Variants in COL6A2 observed in about 807,000 individuals in gnomAD.
The protein encoded by COL6A2 is collagen alpha-2(VI) chain.
Under a neutral mutation model 124.9 loss-of-function variants are expected in COL6A2, and 90 were observed. That is an observed-to-expected ratio of 0.72 (90% CI 0.61 to 0.86). The LOEUF is 0.86. Among genes scored for constraint, COL6A2 ranks in the 40% least tolerant of loss-of-function variants. The probability of loss-of-function intolerance (pLI) is 0.00; values close to 1 mark genes in which losing one functional copy is unlikely to be tolerated. For synonymous variants in COL6A2, 793 were observed against 618.2 expected (o/e 1.28, Z -4.19); for missense variants, 1,607 against 1,502.5 (o/e 1.07, Z -1.15).
rs2123663986 is a variant in COL6A2 at position 46,125,990 on chromosome 21, G to A, written c.2175G>A (p.Val725=). ...IKESRRQKTR[V]FAVVITDGRH... ...AGAGCCGGCGCCAGAAGACACGTGT[G>A]TTTGCGGTGGTCATCACGGACGGGC... Residue 725 remains valine (V), a synonymous_variant, in exon 26 of 28, where the codon GTG becomes GTA. Transcript: ENST00000300527. 1 of 1,613,078 alleles carries A rather than the reference G, an allele frequency of 6.2e-7. No homozygotes were observed.
intron 16 of COL6A2, 85 bp downstream of exon 16, chr21:46,120,662 A>ACCCGGGTGGGTG: frequency 7.8e-7 from 1 of 1,274,920 alleles, no homozygotes; most frequent in East Asian, 2.6e-5. Context: ...GGTGGCCGGG[A>ACCCGGGTGGGTG]CTGCACCCCA....
At chr21:46,099,708 C>A (rs1354460205) in intron 1 of COL6A2, among the ~76,000 whole-genome samples, 2 of 152,104 alleles carry the variant, frequency 1.3e-5, no homozygotes, top group African/African-American at 4.8e-5. Context: ...AAACACCCAG[C>A]CCCGCCCAGC....
At chr21:46,126,872 G>C (rs1384184338) in intron 27 of COL6A2, among the ~76,000 whole-genome samples, 1 of 152,168 alleles carries the variant, frequency 6.6e-6, no homozygotes, top group Non-Finnish European at 1.5e-5. Flanking sequence ...CAGCTCCCAT[G>C]GGCTGGCCGT....
intron 26 of COL6A2, 124 bp from the exon 27 acceptor site, chr21:46,126,379 C>G: frequency 6.5e-7 from 1 of 1,527,856 alleles, no homozygotes; most frequent in Non-Finnish European, 9.1e-7. Flanking sequence ...GGGTCGGGCC[C>G]TCTCGGGGCT....
intron 1 of COL6A2, among the ~76,000 whole-genome samples, chr21:46,107,053 A>G (rs1277333615): frequency 6.6e-6 from 1 of 152,154 alleles, no homozygotes; most frequent in Non-Finnish European, 1.5e-5. Context: ...TTGTCTTTCC[A>G]ATATATTTCT....
chr21:46,132,708 G>GTA lies in COL6A2; in HGVS notation c.*156_*157insTA, dbSNP rs2078779836. On this transcript the variant is annotated 3_prime_UTR_variant, in exon 28 of 28. Transcript: ENST00000300527. The stretch of plus-strand genomic sequence containing the variant: ...CCTCCCACGGGGTCCCCGTAGCCCC[G>GTA]GCCCCCGCCCAGCCCCAGGTCTCCC... 1.9e-5 allele frequency: 14 copies of GTA among 752,202 alleles called. 1 individual carries two copies. In the South Asian group the frequency reaches 2.4e-4, roughly 13 times the overall value. The allele number at this position is 752,202 out of a possible 1,614,324, so 46.6% of individuals were successfully genotyped here.
chr21:46,130,649 T>G (rs2078748362), intron 27 of COL6A2, among the ~76,000 whole-genome samples: 1 of 152,108 alleles, frequency 6.6e-6, no homozygotes, highest in South Asian at 2.1e-4. Context: ...CAGACACTGA[T>G]GAATGGACAG....
At chr21:46,122,378 C>A (rs2078580429) in intron 19 of COL6A2, 118 bp from the exon 20 acceptor site, 1 of 1,404,468 alleles carries the variant, frequency 7.1e-7, no homozygotes, top group Non-Finnish European at 1.0e-6. Context: ...AGCACAGTGG[C>A]CTCACCCAGA....
At position 46,120,559 on chromosome 21, in the gene COL6A2, TG is replaced by T; in HGVS notation, c.1379del (p.Gly460AlafsTer85). The T allele has an allele frequency of 6.8e-7, 1 of 1,468,888 alleles. No individual in the cohort carries two copies. The highest frequency in any genetic ancestry group is 9.0e-7 in the Non-Finnish European group (1 of 1,110,804). 91.0% of individuals were successfully genotyped at this position (1,468,888 alleles called of 1,614,324 possible). On this transcript the variant is annotated frameshift_variant, in exon 16 of 28. Coordinates refer to ENST00000300527, the MANE Select transcript of COL6A2 (RefSeq NM_001849.4). LOFTEE classifies it high-confidence loss of function. ...EGPRGLAGEV[G>X]NKGAKGDRGL... is the part of the protein sequence containing the mutation. ...GGCCCCGCGGCCTGGCTGGAGAGGT[TG>T]GCAACAAAGGAGCCAAGGTAGGGGA...
intron 27 of COL6A2, among the ~76,000 whole-genome samples, chr21:46,128,130 T>A (rs1601256760): frequency 6.6e-6 from 1 of 152,010 alleles, no homozygotes; most frequent in African/African-American, 2.4e-5. Flanking sequence ...TGACATGGAG[T>A]GAGCCCATTC....
chr21:46,125,006 G>A (rs1331149601), intron 23 of COL6A2, 86 bp downstream of exon 23: 1 of 1,522,834 alleles, frequency 6.6e-7, no homozygotes, highest in East Asian at 2.3e-5. Context: ...AGGTCAGCTG[G>A]CACGGTCAGA....
intron 5 of COL6A2, 96 bp from the exon 6 acceptor site, chr21:46,115,776 T>TCCA: frequency 9.0e-7 from 1 of 1,112,558 alleles, no homozygotes; most frequent in Non-Finnish European, 1.3e-6. Context: ...ATCAGTAACC[T>TCCA]CTGCTGTGTC....
rs2078245100 is a variant in COL6A2 at position 46,098,137 on chromosome 21, C to A, written c.-64C>A. On this transcript the variant is annotated 5_prime_UTR_variant, in exon 1 of 28. Transcript: ENST00000300527. Reference sequence around the variant, plus strand: ...CCCTGCTGCTTACTCGGCGCCCGCGCCTCGGGCCGTCGGGAGCGGAGCCTC... The same window carrying A: ...CCCTGCTGCTTACTCGGCGCCCGCGACTCGGGCCGTCGGGAGCGGAGCCTC... The A allele has an allele frequency of 6.6e-6, 1 of 152,184 alleles. No individual in the cohort carries two copies. Among genetic ancestry groups the A allele is most frequent in the African/African-American group, 2.4e-5 (1 of 41,426 alleles). The allele number at this position is 152,184 out of a possible 1,614,324, so 9.4% of individuals were successfully genotyped here.
chr21:46,117,388 C>A lies in COL6A2; in HGVS notation c.1000-12C>A, dbSNP rs2078489036. On this transcript the variant is annotated splice_polypyrimidine_tract_variant and intron_variant, in intron 10 of 27. Transcript: ENST00000300527. ...CCCGCCCTGAGACTCCTCCTGCCCC[C>A]TTCTCCTTCAGGGCAAGCTGGGGCG... The A allele has an allele frequency of 6.2e-7, 1 of 1,612,508 alleles. No homozygotes were observed.
At chr21:46,124,017 ATGAG>A (rs905525840) in intron 21 of COL6A2, among the ~76,000 whole-genome samples, 3 of 145,516 alleles carry the variant, frequency 2.1e-5, no homozygotes, top group East Asian at 4.3e-4. Flanking sequence ...GGTTAGGTGA[ATGAG>A]TGGATGGACA....
chr21:46,123,811 G>C (rs1483124291), intron 21 of COL6A2, among the ~76,000 whole-genome samples: 1 of 144,992 alleles, frequency 6.9e-6, no homozygotes, highest in African/African-American at 2.6e-5. Flanking sequence ...TTAGTGGGTG[G>C]GTGGATGAAT....
chr21:46,120,846 C>T (rs1057210411), intron 16 of COL6A2, among the ~76,000 whole-genome samples: 1 of 152,162 alleles, frequency 6.6e-6, no homozygotes, highest in Admixed American at 6.5e-5. Flanking sequence ...GATAGGGGTG[C>T]TTAGGCAGGG....
chr21:46,117,835 C>G (rs376055881), intron 11 of COL6A2, 39 bp from the exon 12 acceptor site: 2 of 1,587,596 alleles, frequency 1.3e-6, no homozygotes, highest in Admixed American at 1.8e-5. Flanking sequence ...AGAACCCCAC[C>G]CGCCGTGTGC....
intron 27 of COL6A2, among the ~76,000 whole-genome samples, 164 bp from the exon 28 acceptor site, chr21:46,131,790 A>G (rs1474157326): frequency 7.9e-5 from 12 of 152,122 alleles, no homozygotes; most frequent in Non-Finnish European, 1.5e-5. Flanking sequence ...GTCTTGGGCT[A>G]AGGACCCACA....
Sources: allele counts gnomAD v4.1 joint callset (sites outside exome capture counted in the v4.1 genomes callset), GRCh38; gene constraint gnomAD v4.1.1; transcripts MANE v1.5; gene names NCBI Gene and HGNC (gene_info 2026-07-23, HGNC 2026-07-21).